Variants in HECW1 observed in about 807,000 individuals in gnomAD.
HECW1 encodes the protein E3 ubiquitin-protein ligase HECW1.
HECW1 carries 61 observed loss-of-function variants against 182.3 expected under a neutral mutation model. The ratio of observed to expected loss-of-function variants is 0.33; its 90% CI spans 0.27 to 0.41. The LOEUF is 0.41. Among genes scored for constraint, HECW1 ranks in the 10% least tolerant of loss-of-function variants. The probability of loss-of-function intolerance (pLI) is 1.00; values close to 1 mark genes in which losing one functional copy is unlikely to be tolerated. For missense variants in HECW1, 1,739 were observed against 2,108.9 expected, an observed-to-expected ratio of 0.82 and a Z score of 3.44; for synonymous variants, 859 against 832.6, an observed-to-expected ratio of 1.03 and a Z score of -0.55.
chr7:43,504,014 C>T (rs941774275), intron 21 of HECW1, among the ~76,000 whole-genome samples: 2 of 152,210 alleles, frequency 1.3e-5, no homozygotes, highest in African/African-American at 2.4e-5. Flanking sequence ...GTAGGCGGGG[C>T]CCCAACGCTT....
rs201037333 is a variant in HECW1 at position 43,479,753 on chromosome 7, C to T, written c.3234+9C>T. 5.5e-4 allele frequency: 882 copies of T among 1,613,880 alleles called. No individual in the cohort carries two copies. The highest frequency in any genetic ancestry group is 6.8e-4 in the Non-Finnish European group (807 of 1,179,814). Reference sequence around the variant, plus strand: ...GTTACAGCGCTGGAGAGGTAACCCTCCCTACACCCCGCCCTACTGTTCACC... The same window carrying T: ...GTTACAGCGCTGGAGAGGTAACCCTTCCTACACCCCGCCCTACTGTTCACC... On this transcript the variant is annotated intron_variant, in intron 17 of 29. Transcript: ENST00000395891.
intron 5 of HECW1, among the ~76,000 whole-genome samples, chr7:43,352,883 T>G (rs982216579): frequency 6.6e-6 from 1 of 152,204 alleles, no homozygotes; most frequent in African/African-American, 2.4e-5. Context: ...TCAGGTCTCC[T>G]ATCATCATTG....
intron 11 of HECW1, among the ~76,000 whole-genome samples, chr7:43,448,631 T>C (rs1171853566): frequency 6.6e-6 from 1 of 152,238 alleles, no homozygotes; most frequent in East Asian, 1.9e-4. Flanking sequence ...AGGGTAACTG[T>C]TTATATTATG....
chr7:43,378,117 C>A (rs2074398680), intron 6 of HECW1, among the ~76,000 whole-genome samples: 1 of 152,318 alleles, frequency 6.6e-6, no homozygotes, highest in Non-Finnish European at 1.5e-5. Context: ...ATGTGTGTTA[C>A]ACTTTCAGAT....
chr7:43,503,759 C>T (rs1050031849), intron 21 of HECW1, among the ~76,000 whole-genome samples: 3 of 152,180 alleles, frequency 2.0e-5, no homozygotes, highest in Admixed American at 1.3e-4. Flanking sequence ...TGCCAAAGTA[C>T]TCTGTAAAGC....
chr7:43,195,848 G>A (rs1373852926), intron 2 of HECW1, among the ~76,000 whole-genome samples: 1 of 152,142 alleles, frequency 6.6e-6, no homozygotes, highest in East Asian at 1.9e-4. Context: ...CTGGAAGAAG[G>A]TAGAAATTTC....
chr7:43,114,476 T>A, intron 2 of HECW1, 85 bp downstream of exon 2: 1 of 1,143,716 alleles, frequency 8.7e-7, no homozygotes. Context: ...CACCCTGGTA[T>A]GAATGTGTGT....
At chr7:43,231,381 G>A (rs1014760867) in intron 2 of HECW1, among the ~76,000 whole-genome samples, 3 of 152,174 alleles carry the variant, frequency 2.0e-5, no homozygotes, top group Non-Finnish European at 4.4e-5. Flanking sequence ...TTCCACCAAG[G>A]CATGTTATCT....
chr7:43,546,265 T>G (rs2081559965), intron 26 of HECW1, among the ~76,000 whole-genome samples: 1 of 146,166 alleles, frequency 6.8e-6, no homozygotes, highest in Admixed American at 7.0e-5. Flanking sequence ...GTCTCTTTCA[T>G]GATTTCCTTG....
At chr7:43,384,506 GA>G (rs2152829749) in intron 6 of HECW1, among the ~76,000 whole-genome samples, 1 of 151,978 alleles carries the variant, frequency 6.6e-6, no homozygotes, top group South Asian at 2.1e-4. Context: ...ATGTCCATAG[GA>G]AAAAAGATGT....
intron 14 of HECW1, among the ~76,000 whole-genome samples, chr7:43,466,049 AGGAG>A (rs1364687338): frequency 1.7e-4 from 17 of 99,750 alleles, no homozygotes; most frequent in African/African-American, 4.3e-4. Flanking sequence ...GGAAGGGGGA[AGGAG>A]GGAGGGAGGG....
intron 3 of HECW1, among the ~76,000 whole-genome samples, chr7:43,307,439 C>G (rs1807720089): frequency 6.6e-6 from 1 of 152,074 alleles, no homozygotes; most frequent in South Asian, 2.1e-4. Context: ...GAGGGCCACC[C>G]TTTGCAGAGA....
chr7:43,455,908 G>A (rs1458484434), intron 12 of HECW1, among the ~76,000 whole-genome samples: 1 of 152,120 alleles, frequency 6.6e-6, no homozygotes, highest in Non-Finnish European at 1.5e-5. Context: ...GGCTGAGTCA[G>A]GAGAATTGCT....
At chr7:43,302,925 A>C (rs1325988116) in intron 3 of HECW1, among the ~76,000 whole-genome samples, 1 of 152,106 alleles carries the variant, frequency 6.6e-6, no homozygotes, top group Non-Finnish European at 1.5e-5. Context: ...CACACCACAC[A>C]CACCCACACA....
rs553680164 is a variant in HECW1 at position 43,526,848 on chromosome 7, T to G, written c.4020-14315T>G. Among the ~76,000 whole-genome samples the G allele has an allele frequency of 2.6e-5, 4 of 152,116 alleles. No homozygotes were observed. In the East Asian group the frequency reaches 7.8e-4, roughly 30 times the overall value. On this transcript the variant is annotated intron_variant, in intron 24 of 29. Coordinates refer to ENST00000395891, the MANE Select transcript of HECW1 (RefSeq NM_015052.5). The stretch of plus-strand genomic sequence containing the variant: ...AGACCTGTCTCTACAAAAAATAAAT[T>G]AGCCAGGCATGGTGGTGTGCAACTG...
intron 3 of HECW1, among the ~76,000 whole-genome samples, chr7:43,275,259 T>G (rs918295533): frequency 2.0e-5 from 3 of 152,214 alleles, no homozygotes; most frequent in Non-Finnish European, 4.4e-5. Flanking sequence ...AGAATTCTCC[T>G]AAGACTATTT....
intron 2 of HECW1, among the ~76,000 whole-genome samples, chr7:43,171,624 A>T (rs1048374305): frequency 6.6e-6 from 1 of 152,236 alleles, no homozygotes; most frequent in African/African-American, 2.4e-5. Context: ...AATGAAAGGA[A>T]AAAAGGGGCG....
intron 6 of HECW1, among the ~76,000 whole-genome samples, chr7:43,385,841 G>A (rs996958454): frequency 1.1e-4 from 17 of 152,202 alleles, no homozygotes; most frequent in Admixed American, 4.6e-4. Flanking sequence ...AAGTTAGCTC[G>A]TGGGTCTATA....
At chr7:43,485,012 G>A (rs750497451) in intron 17 of HECW1, among the ~76,000 whole-genome samples, 1 of 152,198 alleles carries the variant, frequency 6.6e-6, no homozygotes, top group Non-Finnish European at 1.5e-5. Context: ...AATAAGGAAG[G>A]ATAAGCAGAG....
Sources: allele counts gnomAD v4.1 joint callset (sites outside exome capture counted in the v4.1 genomes callset), GRCh38; gene constraint gnomAD v4.1.1; transcripts MANE v1.5; gene names NCBI Gene and HGNC (gene_info 2026-07-23, HGNC 2026-07-21).